ZNF704: variants seen among roughly 807,000 people sequenced by gnomAD.
The protein encoded by ZNF704 is glucocorticoid induced gene 1.
In ZNF704, 10 loss-of-function variants were observed where a neutral mutation model predicts 44.7. The ratio of observed to expected loss-of-function variants is 0.22; its 90% CI spans 0.14 to 0.38. The LOEUF is 0.38. Among genes scored for constraint, ZNF704 ranks in the 10% least tolerant of loss-of-function variants. ZNF704 has a pLI of 1.00. For synonymous variants in ZNF704, 211 were observed against 207.6 expected (o/e 1.02, Z -0.14); for missense variants, 390 against 545.5 (o/e 0.71, Z 2.84).
chr8:80,780,868 G>A (rs1278488411), intron 2 of ZNF704, among the ~76,000 whole-genome samples: 1 of 152,088 alleles, frequency 6.6e-6, no homozygotes, highest in African/African-American at 2.4e-5. Flanking sequence ...TGTTGGTCAG[G>A]TCAACCCACA....
chr8:80,769,353 A>G (rs1783072804), intron 2 of ZNF704, among the ~76,000 whole-genome samples: 1 of 152,228 alleles, frequency 6.6e-6, no homozygotes. Context: ...AGTTTCTCCC[A>G]ATGGTAACTG....
At chr8:80,875,428 C>T (rs1809343679), upstream of ZNF704, among the ~76,000 whole-genome samples, 3 of 152,160 alleles carry the variant, frequency 2.0e-5, no homozygotes, top group South Asian at 6.2e-4. Flanking sequence ...CCTCAGCCTC[C>T]TGAGTACCTG....
At chr8:80,792,224 A>T (rs1807720902) in intron 2 of ZNF704, among the ~76,000 whole-genome samples, 1 of 152,186 alleles carries the variant, frequency 6.6e-6, no homozygotes. Context: ...AGAAAAACTG[A>T]TTAGGCTCTC....
chr8:80,856,167 G>A (rs1263725309), intron 1 of ZNF704, among the ~76,000 whole-genome samples: 2 of 151,972 alleles, frequency 1.3e-5, no homozygotes, highest in African/African-American at 4.8e-5. Flanking sequence ...CTTGGTTGCC[G>A]GGGCTGGTCT....
intron 1 of ZNF704, among the ~76,000 whole-genome samples, chr8:80,873,139 G>A (rs1251720504): frequency 6.6e-6 from 1 of 152,060 alleles, no homozygotes; most frequent in African/African-American, 2.4e-5. Context: ...TAAGGAGAAG[G>A]GGACACTCCT....
At chr8:80,699,755 A>C (rs574665973) in intron 2 of ZNF704, among the ~76,000 whole-genome samples, 19 of 152,164 alleles carry the variant, frequency 1.2e-4, no homozygotes, top group African/African-American at 4.6e-4. Context: ...TTTCCATTAA[A>C]CTTTGAAAAG....
intron 1 of ZNF704, among the ~76,000 whole-genome samples, chr8:80,857,231 T>C (rs1010979190): frequency 1.3e-5 from 2 of 152,194 alleles, no homozygotes; most frequent in Non-Finnish European, 2.9e-5. Context: ...TTATTTTTCT[T>C]GCCTTATCAC....
At chr8:80,697,849 A>T (rs1022116777) in intron 2 of ZNF704, among the ~76,000 whole-genome samples, 1 of 152,222 alleles carries the variant, frequency 6.6e-6, no homozygotes, top group African/African-American at 2.4e-5. Context: ...CAGCACCAGC[A>T]CTAGCAGTTG....
chr8:80,778,224 C>T (rs1250478033), intron 2 of ZNF704, among the ~76,000 whole-genome samples: 1 of 152,064 alleles, frequency 6.6e-6, no homozygotes, highest in East Asian at 1.9e-4. Flanking sequence ...CTAAAGAAGA[C>T]ATACATATGG....
At chr8:80,867,567 A>G (rs1232807665) in intron 1 of ZNF704, among the ~76,000 whole-genome samples, 1 of 152,144 alleles carries the variant, frequency 6.6e-6, no homozygotes, top group African/African-American at 2.4e-5. Flanking sequence ...ATTACTAGAT[A>G]ATATCTGTTT....
At chr8:80,693,611 G>A (rs1818677184) in intron 2 of ZNF704, among the ~76,000 whole-genome samples, 2 of 152,164 alleles carry the variant, frequency 1.3e-5, no homozygotes, top group South Asian at 4.1e-4. Flanking sequence ...GACGTCTGAG[G>A]TGAACTGTGA....
chr8:80,653,531 T>C (rs1817957907), intron 7 of ZNF704, among the ~76,000 whole-genome samples: 1 of 150,526 alleles, frequency 6.6e-6, no homozygotes, highest in Admixed American at 6.6e-5. Flanking sequence ...ATTATAAGCA[T>C]TCTTAAAACC....
At chr8:80,643,971 C>T (rs984244019) in intron 7 of ZNF704, among the ~76,000 whole-genome samples, 3 of 152,044 alleles carry the variant, frequency 2.0e-5, no homozygotes, top group African/African-American at 7.2e-5. Flanking sequence ...TAAAAAACAC[C>T]CCATCAGCAG....
At chr8:80,746,534 T>C (rs1806847346) in intron 2 of ZNF704, among the ~76,000 whole-genome samples, 1 of 152,206 alleles carries the variant, frequency 6.6e-6, no homozygotes, top group Non-Finnish European at 1.5e-5. Context: ...GATGTTTAAG[T>C]TTTCTGAACC....
the ZNF704 span, among the ~76,000 whole-genome samples, chr8:80,880,730 C>G: frequency 0.027 from 4,101 of 152,252 alleles, 205 homozygotes; most frequent in African/African-American, 0.095. Context: ...GATACCAAGT[C>G]AGGGCCATAG....
intron 4 of ZNF704, among the ~76,000 whole-genome samples, chr8:80,672,197 C>G (rs971584609): frequency 2.0e-5 from 3 of 152,062 alleles, no homozygotes; most frequent in African/African-American, 7.2e-5. Context: ...CAGAGAAATG[C>G]AAATGAAAAC....
intron 2 of ZNF704, among the ~76,000 whole-genome samples, chr8:80,763,150 G>A (rs775950074): frequency 6.6e-6 from 1 of 152,176 alleles, no homozygotes. Flanking sequence ...AGCTGTTGGT[G>A]GATCTACCAT....
intron 2 of ZNF704, among the ~76,000 whole-genome samples, chr8:80,811,081 T>C (rs1291387933): frequency 2.0e-5 from 3 of 152,208 alleles, no homozygotes; most frequent in Non-Finnish European, 2.9e-5. Context: ...AATTAACTTA[T>C]GCTTTATTCT....
chr8:80,840,003 G>C (rs1015810407), intron 1 of ZNF704, among the ~76,000 whole-genome samples: 2 of 152,234 alleles, frequency 1.3e-5, no homozygotes, highest in East Asian at 3.8e-4. Context: ...TAGAGGCAGA[G>C]AGCAAGTTTT....
Sources: allele counts gnomAD v4.1 joint callset (sites outside exome capture counted in the v4.1 genomes callset), GRCh38; gene constraint gnomAD v4.1.1; transcripts MANE v1.5; gene names NCBI Gene and HGNC (gene_info 2026-07-23, HGNC 2026-07-21).